NCALD: variants seen among roughly 807,000 people sequenced by gnomAD.
The protein encoded by NCALD is neurocalcin-delta.
A neutral mutation model predicts 18.6 loss-of-function variants in NCALD; 10 were observed. That is an observed-to-expected ratio of 0.54 (90% confidence interval 0.33 to 0.91). NCALD has a LOEUF of 0.91. NCALD is among the 40% of genes least tolerant of loss of function. The pLI is 0.03. For synonymous variants in NCALD, 88 were observed against 87.4 expected (o/e 1.01, Z -0.04); for missense variants, 184 against 247.6 (o/e 0.74, Z 1.72).
intron 2 of NCALD, among the ~76,000 whole-genome samples, chr8:101,712,082 C>G (rs1239242080): frequency 1.3e-5 from 2 of 152,190 alleles, no homozygotes; most frequent in African/African-American, 4.8e-5. Flanking sequence ...TCTGCAGAAA[C>G]CTTACAAGCC....
intron 2 of NCALD, among the ~76,000 whole-genome samples, chr8:102,000,597 C>T (rs1481280814): frequency 6.6e-6 from 1 of 152,166 alleles, no homozygotes; most frequent in Non-Finnish European, 1.5e-5. Flanking sequence ...GTCCCTGAAC[C>T]CCGAATAGCC....
At chr8:101,906,299 G>A (rs78897880) in intron 3 of NCALD, among the ~76,000 whole-genome samples, 14,095 of 152,154 alleles carry the variant, frequency 0.093, 695 homozygotes, top group East Asian at 0.18. Flanking sequence ...CTGGAAGTTC[G>A]AAATCACTGC....
chr8:102,072,306 A>C, intron 1 of NCALD, among the ~76,000 whole-genome samples: 1 of 151,980 alleles, frequency 6.6e-6, no homozygotes, highest in East Asian at 1.9e-4. Flanking sequence ...GCTGGGGTGG[A>C]TGGGAGGGGC....
chr8:101,689,295 G>A lies in NCALD; in HGVS notation c.*14C>T. 1 of 1,611,326 alleles carries A rather than the reference G, an allele frequency of 6.2e-7. No homozygotes were observed. ...ACACAAGCAGCTCTACAATTCGATT[G>A]GTGGGCGCAGGGCTCAGAACTGGCC... On this transcript the variant is annotated 3_prime_UTR_variant, in exon 4 of 4. Transcript: ENST00000220931. This position sits in a 1 kb window ranked among gnomAD's most constrained non-coding sequence, Gnocchi z 4.4.
intron 4 of NCALD, among the ~76,000 whole-genome samples, chr8:101,867,803 A>G (rs1458800062): frequency 6.6e-6 from 1 of 152,092 alleles, no homozygotes; most frequent in African/African-American, 2.4e-5. Context: ...GCTTTGGGTA[A>G]TTTACTTAAT....
At chr8:102,084,095 G>A (rs1172350751) in intron 1 of NCALD, among the ~76,000 whole-genome samples, 1 of 152,198 alleles carries the variant, frequency 6.6e-6, no homozygotes, top group Non-Finnish European at 1.5e-5. Context: ...AGTCAGAATA[G>A]ATTTCCTTTC....
At chr8:101,885,024 C>T (rs763644647) in intron 4 of NCALD, among the ~76,000 whole-genome samples, 8 of 152,064 alleles carry the variant, frequency 5.3e-5, no homozygotes, top group East Asian at 1.9e-4. Flanking sequence ...AGGGCTAAAA[C>T]GCATTCATTC....
chr8:101,817,012 G>A (rs974334191), intron 4 of NCALD, among the ~76,000 whole-genome samples: 2 of 151,762 alleles, frequency 1.3e-5, no homozygotes, highest in African/African-American at 2.4e-5. Context: ...CTCTCTTCAC[G>A]GCTTGCCCTT....
At chr8:101,738,404 C>T (rs1432774391) in intron 1 of NCALD, among the ~76,000 whole-genome samples, 3 of 151,864 alleles carry the variant, frequency 2.0e-5, no homozygotes, top group Non-Finnish European at 1.5e-5. Flanking sequence ...ATTAGCTGGG[C>T]GTGGTGGCAG....
At chr8:101,986,071 C>A (rs905249947) in intron 2 of NCALD, among the ~76,000 whole-genome samples, 1 of 152,022 alleles carries the variant, frequency 6.6e-6, no homozygotes, top group African/African-American at 2.4e-5. Flanking sequence ...CAGAGTATCA[C>A]TCTGTCGCCC....
chr8:102,088,403 C>G (rs918435916), intron 1 of NCALD, among the ~76,000 whole-genome samples: 3 of 152,100 alleles, frequency 2.0e-5, no homozygotes, highest in South Asian at 4.1e-4. Flanking sequence ...GCCATTTGGC[C>G]AGGCTAAAGA....
At position 101,719,264 on chromosome 8, in the gene NCALD, T is replaced by A; in HGVS notation, c.366A>T (p.Leu122=). 2 of 1,613,758 alleles carry A rather than the reference T, an allele frequency of 1.2e-6. No individual in the cohort carries two copies. Among genetic ancestry groups the A allele is most frequent in the Non-Finnish European group, 1.7e-6 (2 of 1,179,808 alleles). Residue 122 remains leucine, a synonymous_variant, in exon 2 of 4, where the codon CTA becomes CTT. Transcript: ENST00000220931. ...TCAGTCTACGTACCTGCACGATCTCTAGCATCTCTGCCTTGCTGATATAGC... is the reference window on the plus strand; with the variant it reads ...TCAGTCTACGTACCTGCACGATCTCAAGCATCTCTGCCTTGCTGATATAGC... ...GNGYISKAEM[L]EIVQAIYKMV... is the part of the protein sequence containing the mutation.
intron 3 of NCALD, among the ~76,000 whole-genome samples, chr8:101,905,881 G>A (rs1000776940): frequency 2.6e-5 from 4 of 152,162 alleles, no homozygotes; most frequent in African/African-American, 9.7e-5. Flanking sequence ...AGACTACTTT[G>A]AAGGAGATTC....
At chr8:101,913,083 C>A (rs1817856857) in intron 3 of NCALD, among the ~76,000 whole-genome samples, 1 of 152,168 alleles carries the variant, frequency 6.6e-6, no homozygotes, top group South Asian at 2.1e-4. Context: ...ACTCAAGCTC[C>A]AGACAAGAAC....
intron 4 of NCALD, among the ~76,000 whole-genome samples, chr8:101,832,831 C>T (rs1345981272): frequency 6.6e-6 from 1 of 152,174 alleles, no homozygotes; most frequent in Non-Finnish European, 1.5e-5. Context: ...CAGCAGTGAT[C>T]CAAATAAATG....
At chr8:102,053,453 C>T (rs188259397) in intron 1 of NCALD, among the ~76,000 whole-genome samples, 1 of 152,266 alleles carries the variant, frequency 6.6e-6, no homozygotes, top group African/African-American at 2.4e-5. Flanking sequence ...CGCTTGACCA[C>T]GTACCATACA....
chr8:101,988,448 A>G (rs1040668722), intron 2 of NCALD, among the ~76,000 whole-genome samples: 4 of 152,222 alleles, frequency 2.6e-5, no homozygotes, highest in African/African-American at 9.7e-5. Flanking sequence ...ACTGTATGAC[A>G]TCGAGAAACT....
At chr8:101,753,715 G>A (rs529769820) in intron 1 of NCALD, among the ~76,000 whole-genome samples, 12 of 152,258 alleles carry the variant, frequency 7.9e-5, no homozygotes, top group East Asian at 3.9e-4. Context: ...CTCTTTCTGC[G>A]TCTAGTGCGT....
intron 3 of NCALD, among the ~76,000 whole-genome samples, chr8:101,913,932 C>T (rs1179434196): frequency 2.0e-5 from 3 of 152,148 alleles, no homozygotes; most frequent in Non-Finnish European, 4.4e-5. Flanking sequence ...TTTAGATTTA[C>T]AGGATTATAA....
Sources: allele counts gnomAD v4.1 joint callset (sites outside exome capture counted in the v4.1 genomes callset), GRCh38; gene constraint gnomAD v4.1.1; non-coding constraint Gnocchi (gnomAD v3.1); transcripts MANE v1.5; gene names NCBI Gene and HGNC (gene_info 2026-07-23, HGNC 2026-07-21).